The following RALGPS1 variants were observed in gnomAD, a reference collection of about 807,000 sequenced individuals.
The protein encoded by RALGPS1 is Ral GEF with PH domain and SH3 binding motif 1, also known as ras-specific guanine nucleotide-releasing factor RalGPS1.
A neutral mutation model predicts 78.8 loss-of-function variants in RALGPS1; 19 were observed. The observed-to-expected ratio is 0.24, with a 90% CI of 0.17 to 0.35. The LOEUF (loss-of-function observed/expected upper bound fraction) is 0.35. Ranked by LOEUF, RALGPS1 falls within the 10% of genes least tolerant of loss-of-function variation. The pLI, the probability that RALGPS1 is intolerant of heterozygous loss-of-function variation, is 1.00. For synonymous variants in RALGPS1, 228 were observed against 256.3 expected, an observed-to-expected ratio of 0.89 and a Z score of 1.06; for missense variants, 454 against 688.3, an observed-to-expected ratio of 0.66 and a Z score of 3.81.
chr9:127,199,985 C>T (rs2061545549), intron 14 of RALGPS1, among the ~76,000 whole-genome samples: 1 of 152,158 alleles, frequency 6.6e-6, no homozygotes, highest in Non-Finnish European at 1.5e-5. Flanking sequence ...TACACTTGAA[C>T]TCACCTATGC....
chr9:127,175,372 T>C (rs2059802406), intron 11 of RALGPS1, among the ~76,000 whole-genome samples: 1 of 152,204 alleles, frequency 6.6e-6, no homozygotes, highest in African/African-American at 2.4e-5. Context: ...CCTTCTCGGG[T>C]TGTTGTGATG....
intron 1 of RALGPS1, among the ~76,000 whole-genome samples, chr9:126,949,752 A>G (rs1416581184): frequency 1.3e-5 from 2 of 151,550 alleles, no homozygotes; most frequent in African/African-American, 4.8e-5. Flanking sequence ...ATTTTCTCCC[A>G]TTTTGTAGGT....
chr9:127,177,818 G>T lies in RALGPS1; in HGVS notation c.910+3036G>T, dbSNP rs1238378052. ...AAGTCAGCTGGGCAGCTAGGAGCCAGCCCTGGCCCAGCCTCCTCAGGTACA... is the reference window on the plus strand; with the variant it reads ...AAGTCAGCTGGGCAGCTAGGAGCCATCCCTGGCCCAGCCTCCTCAGGTACA... On this transcript the variant is annotated intron_variant, in intron 11 of 18. Transcript: ENST00000259351. 7.1e-6 allele frequency: 11 copies of T among 1,543,674 alleles called. No individual in the cohort carries two copies. The Admixed American group carries it at 2.2e-4, about 30-fold the overall frequency.
chr9:127,002,433 C>CTTTTTTTTT (rs11380006), intron 4 of RALGPS1, among the ~76,000 whole-genome samples: 1 of 117,424 alleles, frequency 8.5e-6, no homozygotes, highest in Non-Finnish European at 1.9e-5. Flanking sequence ...CACAAACATT[C>CTTTTTTTTT]TTTTTTTTTT....
At chr9:127,055,828 A>G (rs2048696296) in intron 7 of RALGPS1, among the ~76,000 whole-genome samples, 1 of 152,116 alleles carries the variant, frequency 6.6e-6, no homozygotes, top group Non-Finnish European at 1.5e-5. Flanking sequence ...TAAGTATTGC[A>G]TTAGGAACTT....
At chr9:126,985,064 C>A (rs1245623748) in intron 4 of RALGPS1, among the ~76,000 whole-genome samples, 1 of 152,228 alleles carries the variant, frequency 6.6e-6, no homozygotes, top group Non-Finnish European at 1.5e-5. Flanking sequence ...TGGTGTATAT[C>A]TCCCCACCCT....
In RALGPS1 at chr9:127,219,376, C is replaced by A. The variant is rs1341904063; in HGVS notation, c.*607C>A. The A allele has an allele frequency of 6.5e-6, 1 of 154,026 alleles. No homozygotes were observed. The highest frequency in any genetic ancestry group is 1.9e-4 in the East Asian group (1 of 5,224). 9.5% of individuals were successfully genotyped at this position (154,026 alleles called of 1,614,324 possible). A position where few individuals can be genotyped will look rare whatever the true frequency, so the allele number is the denominator to read the frequency against. On this transcript the variant is annotated 3_prime_UTR_variant, in exon 19 of 19. Coordinates refer to ENST00000259351, the MANE Select transcript of RALGPS1 (RefSeq NM_014636.3). This position sits in a 1 kb window ranked among gnomAD's most constrained non-coding sequence, Gnocchi z 5.0. The stretch of plus-strand genomic sequence containing the variant: ...GCCCTGCTTTAACCTTAAGTTATAG[C>A]CCTGTCCACCGAGGAAGGTCAGGGT...
chr9:127,105,865 G>A (rs893364328), intron 8 of RALGPS1, among the ~76,000 whole-genome samples: 7 of 152,198 alleles, frequency 4.6e-5, no homozygotes, highest in Admixed American at 3.3e-4. Context: ...CTAGTGCTGC[G>A]ACTAGCATGT....
rs542233312 is a variant in RALGPS1, at chr9:127,134,794, T to C, written c.611-31275T>C. 6.6e-5 allele frequency among the ~76,000 whole-genome samples: 10 copies of C among 152,330 alleles called. No individual in the cohort carries two copies. In the South Asian group the frequency reaches 2.1e-3, roughly 32 times the overall value. On this transcript the variant is annotated intron_variant, in intron 8 of 18. Transcript: ENST00000259351. ...GTCTTACCCCTTTATTTTTAAAAAC[T>C]CATAGCTCACTGTTCAGAGCTTCTG...
At chr9:127,160,800 C>A (rs1441947818) in intron 8 of RALGPS1, among the ~76,000 whole-genome samples, 1 of 152,244 alleles carries the variant, frequency 6.6e-6, no homozygotes, top group East Asian at 1.9e-4. Flanking sequence ...CTCTCACTTG[C>A]AAGCTGTGTG....
intron 7 of RALGPS1, among the ~76,000 whole-genome samples, chr9:127,057,732 T>C (rs753819847): frequency 6.6e-6 from 1 of 152,222 alleles, no homozygotes; most frequent in Non-Finnish European, 1.5e-5. Flanking sequence ...GTGGCTGTTA[T>C]TCATTCTGCA....
At chr9:127,127,969 G>A (rs1238210024) in intron 8 of RALGPS1, among the ~76,000 whole-genome samples, 2 of 152,170 alleles carry the variant, frequency 1.3e-5, no homozygotes, top group East Asian at 3.9e-4. Context: ...TTGGTTTGCT[G>A]CACCTGTCAA....
intron 1 of RALGPS1, among the ~76,000 whole-genome samples, chr9:126,930,046 A>G (rs981717206): frequency 6.6e-6 from 1 of 152,010 alleles, no homozygotes; most frequent in Non-Finnish European, 1.5e-5. Flanking sequence ...TGCCCAGGCT[A>G]GTGTTGAACT....
chr9:127,108,086 G>T, intron 8 of RALGPS1: 2 of 1,610,616 alleles, frequency 1.2e-6, no homozygotes, highest in African/African-American at 2.7e-5. Context: ...GCGGGGGGTG[G>T]CTGGGGGACG....
chr9:127,047,087 G>C (rs1398200509), intron 5 of RALGPS1, among the ~76,000 whole-genome samples: 1 of 151,718 alleles, frequency 6.6e-6, no homozygotes, highest in Non-Finnish European at 1.5e-5. Flanking sequence ...CCTTTTGGAG[G>C]CCACTTTTTT....
At chr9:127,069,910 ATG>A (rs1202780444) in intron 8 of RALGPS1, 2 of 152,190 alleles carry the variant, frequency 1.3e-5, no homozygotes, top group African/African-American at 4.8e-5. Context: ...TATCCTAAAA[ATG>A]TTATTTTTAT....
chr9:127,041,280 C>T (rs901816425), intron 5 of RALGPS1, among the ~76,000 whole-genome samples: 13 of 151,934 alleles, frequency 8.6e-5, no homozygotes, highest in African/African-American at 3.1e-4. Context: ...TTAGTAGAGA[C>T]GGGGTTTCAC....
chr9:126,993,649 T>C (rs2133281735), intron 4 of RALGPS1, among the ~76,000 whole-genome samples: 1 of 152,204 alleles, frequency 6.6e-6, no homozygotes, highest in African/African-American at 2.4e-5. Context: ...ATGGGTGATT[T>C]CTGCATTTCC....
At chr9:127,019,430 C>A (rs2045230251) in intron 4 of RALGPS1, among the ~76,000 whole-genome samples, 3 of 152,016 alleles carry the variant, frequency 2.0e-5, no homozygotes, top group Admixed American at 2.0e-4. Context: ...CGGGTTCATG[C>A]CATTCTCCTT....
Sources: allele counts gnomAD v4.1 joint callset (sites outside exome capture counted in the v4.1 genomes callset), GRCh38; gene constraint gnomAD v4.1.1; non-coding constraint Gnocchi (gnomAD v3.1); transcripts MANE v1.5; gene names NCBI Gene and HGNC (gene_info 2026-07-23, HGNC 2026-07-21).